The following CSMD1 variants were observed in gnomAD, a reference collection of about 807,000 sequenced individuals.
The protein encoded by CSMD1 is CUB and sushi domain-containing protein 1.
In CSMD1, 213 loss-of-function variants were observed where a neutral mutation model predicts 417.5. That is an observed-to-expected ratio of 0.51 (90% CI 0.46 to 0.57). The LOEUF (loss-of-function observed/expected upper bound fraction) is 0.57, where lower values mean the gene tolerates loss of function less well. Ranked by LOEUF, CSMD1 falls within the 20% of genes least tolerant of loss-of-function variation. CSMD1 has a pLI of 0.00. For synonymous variants in CSMD1, 2,862 were observed against 1,736.8 expected (o/e 1.65, Z -16.11); for missense variants, 6,923 against 4,529.7 (o/e 1.53, Z -15.17).
At chr8:3,228,386 A>G (rs1406173318) in intron 27 of CSMD1, among the ~76,000 whole-genome samples, 1 of 152,232 alleles carries the variant, frequency 6.6e-6, no homozygotes, top group Admixed American at 6.5e-5. Context: ...AGTAATAAAA[A>G]TATAATGTTA....
intron 12 of CSMD1, among the ~76,000 whole-genome samples, chr8:3,435,987 A>T (rs73495468): frequency 1.3e-5 from 2 of 152,128 alleles, no homozygotes; most frequent in African/African-American, 4.8e-5. Flanking sequence ...TGTATTTGCA[A>T]ATGCTCTCTT....
At chr8:4,058,971 C>A (rs940694796) in intron 3 of CSMD1, among the ~76,000 whole-genome samples, 2 of 151,900 alleles carry the variant, frequency 1.3e-5, no homozygotes, top group Non-Finnish European at 2.9e-5. Context: ...CTCTCCACCC[C>A]AAATCAACAC....
intron 6 of CSMD1, among the ~76,000 whole-genome samples, chr8:3,731,023 A>C (rs1796221249): frequency 6.6e-6 from 1 of 152,156 alleles, no homozygotes; most frequent in African/African-American, 2.4e-5. Context: ...ACCTACAGAT[A>C]CCCATCACTC....
chr8:4,125,416 A>T (rs1328112624), intron 3 of CSMD1, among the ~76,000 whole-genome samples: 1 of 152,158 alleles, frequency 6.6e-6, no homozygotes, highest in Non-Finnish European at 1.5e-5. Context: ...GACGAAACCA[A>T]TGCACATCTT....
chr8:3,106,491 A>G (rs1816156807), intron 46 of CSMD1, 37 bp downstream of exon 46: 2 of 1,279,342 alleles, frequency 1.6e-6, no homozygotes, highest in South Asian at 1.3e-5. Context: ...TCCATGTTGA[A>G]TAAGTTTATG....
At chr8:3,126,451 T>G (rs78075754) in intron 41 of CSMD1, among the ~76,000 whole-genome samples, 2,653 of 152,174 alleles carry the variant, frequency 0.017, 89 homozygotes, top group African/African-American at 0.061. Context: ...AGGGCTGCAG[T>G]TTACATCAAG....
At chr8:3,988,227 C>T (rs1814483429) in intron 5 of CSMD1, among the ~76,000 whole-genome samples, 1 of 152,096 alleles carries the variant, frequency 6.6e-6, no homozygotes, top group African/African-American at 2.4e-5. Flanking sequence ...ATCTGAAACT[C>T]AATATTGAAC....
At chr8:3,088,941 G>A (rs535696750) in intron 48 of CSMD1, among the ~76,000 whole-genome samples, 1 of 152,030 alleles carries the variant, frequency 6.6e-6, no homozygotes, top group Non-Finnish European at 1.5e-5. Context: ...AAGTTTGCAG[G>A]AAGTGAGACC....
At chr8:3,743,815 C>T (rs533946969) in intron 6 of CSMD1, among the ~76,000 whole-genome samples, 1 of 152,268 alleles carries the variant, frequency 6.6e-6, no homozygotes, top group Non-Finnish European at 1.5e-5. Flanking sequence ...CCTTGCCCAC[C>T]AGACACAAAT....
chr8:3,762,835 G>A (rs1246377068), intron 5 of CSMD1, among the ~76,000 whole-genome samples: 1 of 152,190 alleles, frequency 6.6e-6, no homozygotes, highest in African/African-American at 2.4e-5. Context: ...TAAGGCAGCT[G>A]CCAGAGTAAG....
intron 3 of CSMD1, among the ~76,000 whole-genome samples, chr8:4,048,399 C>G (rs944366120): frequency 6.6e-6 from 1 of 152,152 alleles, no homozygotes; most frequent in Non-Finnish European, 1.5e-5. Flanking sequence ...CTAGACAAAC[C>G]ACTGTGTACA....
intron 12 of CSMD1, among the ~76,000 whole-genome samples, chr8:3,437,545 G>A (rs751633238): frequency 6.6e-5 from 10 of 152,132 alleles, no homozygotes; most frequent in South Asian, 2.1e-4. Flanking sequence ...AGAGGCCAAC[G>A]TATCCAGGGA....
chr8:4,594,870 G>A (rs1313856037), intron 2 of CSMD1, among the ~76,000 whole-genome samples: 1 of 152,122 alleles, frequency 6.6e-6, no homozygotes, highest in East Asian at 1.9e-4. Flanking sequence ...TCATCATGCT[G>A]AAGAGAAATG....
intron 49 of CSMD1, among the ~76,000 whole-genome samples, chr8:3,086,158 A>T (rs1451937341): frequency 6.6e-6 from 1 of 152,116 alleles, no homozygotes; most frequent in Non-Finnish European, 1.5e-5. Context: ...AATGAGAAAT[A>T]TATCTTCTTC....
chr8:4,517,197 G>T (rs183889835), intron 2 of CSMD1, among the ~76,000 whole-genome samples: 1 of 152,268 alleles, frequency 6.6e-6, no homozygotes, highest in Admixed American at 6.5e-5. Flanking sequence ...CAGTTTATGA[G>T]ACATAATGAT....
chr8:3,245,482 G>A (rs376467640), intron 26 of CSMD1, among the ~76,000 whole-genome samples: 2 of 152,308 alleles, frequency 1.3e-5, no homozygotes, highest in East Asian at 3.9e-4. Flanking sequence ...GTATGTGGAT[G>A]TTTACAAAAG....
At chr8:3,938,336 TA>T (rs538603124) in intron 5 of CSMD1, among the ~76,000 whole-genome samples, 1 of 152,156 alleles carries the variant, frequency 6.6e-6, no homozygotes, top group Non-Finnish European at 1.5e-5. Flanking sequence ...GAAAAAAGCA[TA>T]TAATACAACA....
intron 3 of CSMD1, among the ~76,000 whole-genome samples, chr8:4,416,135 G>C (rs1440684606): frequency 1.3e-5 from 2 of 152,134 alleles, no homozygotes; most frequent in Non-Finnish European, 2.9e-5. Context: ...TTACACTATG[G>C]AGAAAAGTTC....
At chr8:4,326,113 GCCC>G (rs1374745763) in intron 3 of CSMD1, among the ~76,000 whole-genome samples, 3 of 152,118 alleles carry the variant, frequency 2.0e-5, no homozygotes. Flanking sequence ...AGAGCTCAGG[GCCC>G]TACCGTCAGC....
Sources: gnomAD v4.1 joint callset for allele counts (sites outside exome capture counted in the v4.1 genomes callset) on GRCh38, gnomAD v4.1.1 for gene constraint, MANE v1.5 for transcripts, NCBI Gene and HGNC (gene_info 2026-07-23, HGNC 2026-07-21) for gene names.